FRMD4A: variants seen among roughly 807,000 people sequenced by gnomAD.
The protein encoded by FRMD4A is FERM domain containing 4A, also known as FERM domain-containing protein 4A.
A neutral mutation model predicts 129.1 loss-of-function variants in FRMD4A; 29 were observed. That is an observed-to-expected ratio of 0.22 (90% CI 0.17 to 0.31). The LOEUF is 0.31. Ranked by LOEUF, FRMD4A falls within the 10% of genes least tolerant of loss-of-function variation. The probability of loss-of-function intolerance (pLI) is 1.00; values close to 1 mark genes in which losing one functional copy is unlikely to be tolerated. For missense variants in FRMD4A, 1,272 were observed against 1,375.8 expected, an observed-to-expected ratio of 0.92 and a Z score of 1.19; for synonymous variants, 634 against 571.6, an observed-to-expected ratio of 1.11 and a Z score of -1.56.
At chr10:13,651,816 C>T (rs2081618694) in intron 24 of FRMD4A, 87 bp downstream of exon 24, 1 of 772,388 alleles carries the variant, frequency 1.3e-6, no homozygotes, top group Non-Finnish European at 2.4e-6. Context: ...TCAGATGTAT[C>T]CTTGTGGAAA....
At chr10:13,679,555 G>C (rs1490567920) in intron 15 of FRMD4A, among the ~76,000 whole-genome samples, 1 of 142,300 alleles carries the variant, frequency 7.0e-6, no homozygotes. Context: ...TTAGCAGCTA[G>C]GTCTTTGGGG....
intron 2 of FRMD4A, among the ~76,000 whole-genome samples, chr10:14,132,549 G>T (rs1839315879): frequency 6.6e-6 from 1 of 152,316 alleles, no homozygotes; most frequent in Admixed American, 6.5e-5. Flanking sequence ...CGTGTACCTG[G>T]GAAAGTGATG....
intron 6 of FRMD4A, among the ~76,000 whole-genome samples, chr10:13,774,429 TGAA>T (rs776472345): frequency 9.2e-5 from 14 of 152,202 alleles, no homozygotes; most frequent in Non-Finnish European, 1.9e-4. Flanking sequence ...GTTCGTTCTC[TGAA>T]GAAGAACAGG....
At chr10:13,703,029 A>G (rs1365986539) in intron 13 of FRMD4A, among the ~76,000 whole-genome samples, 1 of 152,156 alleles carries the variant, frequency 6.6e-6, no homozygotes, top group Admixed American at 6.5e-5. Context: ...TAAATTTAAA[A>G]GAAAACAGGG....
chr10:14,083,302 T>C (rs1204907938), intron 2 of FRMD4A: 1 of 152,260 alleles, frequency 6.6e-6, no homozygotes, highest in African/African-American at 2.4e-5. Context: ...TTCTAGAGAT[T>C]GAAAACATCA....
intron 14 of FRMD4A, among the ~76,000 whole-genome samples, chr10:13,694,398 T>C (rs1424939353): frequency 6.6e-6 from 1 of 152,052 alleles, no homozygotes; most frequent in Non-Finnish European, 1.5e-5. Flanking sequence ...CACCCAGGGG[T>C]TGGTTCGGGT....
chr10:13,790,071 A>G (rs1018100189), intron 5 of FRMD4A, among the ~76,000 whole-genome samples: 1 of 152,010 alleles, frequency 6.6e-6, no homozygotes, highest in Non-Finnish European at 1.5e-5. Context: ...TAGGCTGTGT[A>G]TGGAGAGTAA....
chr10:14,278,339 ACTT>A lies in FRMD4A; in HGVS notation c.45+51716_45+51718del, dbSNP rs1453284037. Reference sequence around the variant, plus strand: ...AAATAGTTTCCAAAATCAAGATTATACTTCTTCACCACACTACTGTCTCCAAGT... The same window carrying A: ...AAATAGTTTCCAAAATCAAGATTATACTTCACCACACTACTGTCTCCAAGT... On this transcript the variant is annotated intron_variant, in intron 2 of 24. Coordinates refer to ENST00000357447, the MANE Select transcript of FRMD4A (RefSeq NM_018027.5). Among the ~76,000 whole-genome samples, 17 of 152,294 alleles carry A rather than the reference ACTT, an allele frequency of 1.1e-4. No homozygotes were observed. In the East Asian group the frequency reaches 2.9e-3, roughly 26 times the overall value.
intron 2 of FRMD4A, among the ~76,000 whole-genome samples, chr10:14,131,979 A>C (rs981555330): frequency 4.6e-5 from 7 of 152,190 alleles, no homozygotes; most frequent in African/African-American, 1.7e-4. Context: ...CTAATTTCTT[A>C]TCCCTGACCA....
intron 4 of FRMD4A, among the ~76,000 whole-genome samples, chr10:13,801,936 T>C (rs80066149): frequency 0.074 from 11,069 of 150,082 alleles, 492 homozygotes; most frequent in African/African-American, 0.13. Flanking sequence ...CCTTATAGCT[T>C]GGTTTTCATG....
intron 2 of FRMD4A, among the ~76,000 whole-genome samples, chr10:14,192,345 A>G (rs959274612): frequency 1.3e-5 from 2 of 152,236 alleles, no homozygotes; most frequent in Non-Finnish European, 2.9e-5. Context: ...ATGTTGAAAG[A>G]GATTGATTAA....
At chr10:13,827,789 G>A (rs2093724971) in intron 3 of FRMD4A, among the ~76,000 whole-genome samples, 1 of 152,186 alleles carries the variant, frequency 6.6e-6, no homozygotes, top group South Asian at 2.1e-4. Context: ...CAGGAGATTG[G>A]AGGGTGAGGC....
chr10:13,763,353 T>A (rs1161559731), intron 6 of FRMD4A, among the ~76,000 whole-genome samples: 1 of 152,210 alleles, frequency 6.6e-6, no homozygotes, highest in Non-Finnish European at 1.5e-5. Context: ...GGCTGTTTTT[T>A]GAAAGGAATG....
In FRMD4A at chr10:14,041,651, C is replaced by A. The variant is rs544629252; in HGVS notation, c.46-182739G>T. On this transcript the variant is annotated intron_variant, in intron 2 of 24. Coordinates refer to ENST00000357447, the MANE Select transcript of FRMD4A (RefSeq NM_018027.5). ...ATAACAGCTCCAAAATGAAAATGAT[C>A]CAAATGTTCATCAGAGGTAGAACAA... Among the ~76,000 whole-genome samples the A allele has an allele frequency of 6.6e-4, 100 of 152,184 alleles. 2 individuals carry two copies. Among genetic ancestry groups the A allele is most frequent in the Admixed American group, 2.7e-3 (42 of 15,284 alleles).
At chr10:14,129,401 TATATATAA>T (rs1223336407) in intron 2 of FRMD4A, among the ~76,000 whole-genome samples, 2,102 of 133,018 alleles carry the variant, frequency 0.016, 95 homozygotes, top group African/African-American at 0.049. Flanking sequence ...TATATATATA[TATATATAA>T]AAAATATGAG....
intron 3 of FRMD4A, among the ~76,000 whole-genome samples, chr10:13,826,646 G>C (rs1158990884): frequency 6.6e-6 from 1 of 152,150 alleles, no homozygotes; most frequent in Non-Finnish European, 1.5e-5. Flanking sequence ...CATGGCTCTT[G>C]TGGATGACTG....
intron 3 of FRMD4A, among the ~76,000 whole-genome samples, chr10:13,850,985 C>T (rs972110953): frequency 6.6e-6 from 1 of 152,122 alleles, no homozygotes; most frequent in Non-Finnish European, 1.5e-5. Flanking sequence ...GAGGCCAAGG[C>T]GGGTGGATCA....
intron 2 of FRMD4A, among the ~76,000 whole-genome samples, chr10:14,155,248 T>C (rs577803944): frequency 2.6e-5 from 4 of 152,342 alleles, no homozygotes; most frequent in Non-Finnish European, 4.4e-5. Context: ...TGAGCTATGA[T>C]GGTGCTACTG....
At chr10:14,096,376 A>G (rs986890379) in intron 2 of FRMD4A, among the ~76,000 whole-genome samples, 2 of 152,128 alleles carry the variant, frequency 1.3e-5, no homozygotes, top group African/African-American at 4.8e-5. Context: ...AATCCAAGAT[A>G]TTTTGTTATA....
Sources: gnomAD v4.1 joint callset for allele counts (sites outside exome capture counted in the v4.1 genomes callset) on GRCh38, gnomAD v4.1.1 for gene constraint, MANE v1.5 for transcripts, NCBI Gene and HGNC (gene_info 2026-07-23, HGNC 2026-07-21) for gene names.